ZFPM2: variants seen among roughly 807,000 people sequenced by gnomAD.
ZFPM2 encodes zinc finger protein, FOG family member 2, also known as zinc finger protein ZFPM2.
A neutral mutation model predicts 98.6 loss-of-function variants in ZFPM2; 20 were observed. The ratio of observed to expected loss-of-function variants is 0.20; its 90% CI spans 0.14 to 0.29. The LOEUF (loss-of-function observed/expected upper bound fraction) is 0.29, where lower values mean the gene tolerates loss of function less well. Among genes scored for constraint, ZFPM2 ranks in the 10% least tolerant of loss-of-function variants. The probability of loss-of-function intolerance (pLI) is 1.00; values close to 1 mark genes in which losing one functional copy is unlikely to be tolerated. For synonymous variants in ZFPM2, 518 were observed against 502.7 expected (o/e 1.03, Z -0.41); for missense variants, 1,310 against 1,388.6 (o/e 0.94, Z 0.90).
intron 5 of ZFPM2, among the ~76,000 whole-genome samples, chr8:105,673,187 CTT>C (rs5893754): frequency 1.5e-4 from 13 of 87,516 alleles, no homozygotes; most frequent in East Asian, 3.6e-4. Context: ...AAATAGCATG[CTT>C]TTTTTTTTTT....
In ZFPM2 at chr8:105,419,130, G is replaced by T; in HGVS notation, c.41-14G>T. 4 of 1,608,048 alleles carry T rather than the reference G, an allele frequency of 2.5e-6. No homozygotes were observed. The highest frequency in any genetic ancestry group is 3.4e-6 in the Non-Finnish European group (4 of 1,178,094). ...TGCATATTTTTGGTACAGTTTCCCT[G>T]ATTCTTTTTCAAGGGCCGCTTGAAG... On this transcript the variant is annotated splice_polypyrimidine_tract_variant and intron_variant, in intron 1 of 7. Coordinates refer to ENST00000407775, the MANE Select transcript of ZFPM2 (RefSeq NM_012082.4).
intron 3 of ZFPM2, among the ~76,000 whole-genome samples, chr8:105,550,928 A>T (rs1325665534): frequency 6.6e-6 from 1 of 152,202 alleles, no homozygotes; most frequent in Non-Finnish European, 1.5e-5. Context: ...TGTGTAACTT[A>T]AGAATATATG....
intron 4 of ZFPM2, among the ~76,000 whole-genome samples, chr8:105,588,285 C>T (rs550602426): frequency 1.8e-4 from 27 of 152,042 alleles, no homozygotes; most frequent in African/African-American, 2.7e-4. Flanking sequence ...GTCTCTGATG[C>T]GGTGAAATCC....
At chr8:105,591,718 A>G (rs1302783209) in intron 4 of ZFPM2, among the ~76,000 whole-genome samples, 2 of 151,606 alleles carry the variant, frequency 1.3e-5, no homozygotes, top group African/African-American at 4.8e-5. Context: ...TAAAATACCC[A>G]GTAATATCAT....
At chr8:105,771,893 C>G (rs141780359) in intron 5 of ZFPM2, among the ~76,000 whole-genome samples, 131 of 152,168 alleles carry the variant, frequency 8.6e-4, no homozygotes, top group African/African-American at 2.5e-3. Context: ...TTTTAACTTC[C>G]TTTGTTTTAC....
intron 3 of ZFPM2, among the ~76,000 whole-genome samples, chr8:105,519,353 G>C (rs1312471467): frequency 3.3e-5 from 5 of 151,864 alleles, no homozygotes; most frequent in Non-Finnish European, 7.4e-5. Context: ...GAAAACTAGT[G>C]ATAGTTGAAA....
At position 105,331,841 on chromosome 8, in the gene ZFPM2, C is replaced by G. The variant is rs560684255; in HGVS notation, c.40+12860C>G. On this transcript the variant is annotated intron_variant, in intron 1 of 7. Transcript: ENST00000407775. The stretch of plus-strand genomic sequence containing the variant: ...AAAAGGTAACAATATAAAATAGGAA[C>G]AGTTTCATTTTTATTTGCCAAAATG... 7.2e-5 allele frequency among the ~76,000 whole-genome samples: 11 copies of G among 151,800 alleles called. No individual in the cohort carries two copies. The South Asian group carries it at 2.3e-3, about 31-fold the overall frequency.
chr8:105,688,822 C>A (rs1345970282), intron 5 of ZFPM2, among the ~76,000 whole-genome samples: 1 of 152,062 alleles, frequency 6.6e-6, no homozygotes, highest in Admixed American at 6.6e-5. Context: ...ATGTACTTAG[C>A]AAATATTGTC....
intron 5 of ZFPM2, among the ~76,000 whole-genome samples, chr8:105,776,654 G>A (rs935781778): frequency 4.6e-5 from 7 of 152,110 alleles, no homozygotes; most frequent in Admixed American, 6.5e-5. Context: ...TGTGAGCCTA[G>A]TCAAGACAAA....
intron 3 of ZFPM2, among the ~76,000 whole-genome samples, chr8:105,459,811 T>G (rs760722821): frequency 6.6e-6 from 1 of 152,132 alleles, no homozygotes; most frequent in Non-Finnish European, 1.5e-5. Flanking sequence ...AGAGTCACAT[T>G]GGGTATTAGG....
chr8:105,509,214 G>A (rs938924702), intron 3 of ZFPM2, among the ~76,000 whole-genome samples: 38 of 152,222 alleles, frequency 2.5e-4, no homozygotes, highest in African/African-American at 7.7e-4. Context: ...GAAAACAGTA[G>A]TTTGCATTCT....
intron 1 of ZFPM2, among the ~76,000 whole-genome samples, chr8:105,372,884 G>A (rs187002620): frequency 2.3e-4 from 35 of 152,134 alleles, no homozygotes; most frequent in African/African-American, 8.0e-4. Flanking sequence ...GATAATGATA[G>A]GAATAGAGTG....
chr8:105,714,285 G>T (rs1027489593), intron 5 of ZFPM2, among the ~76,000 whole-genome samples: 189 of 152,090 alleles, frequency 1.2e-3, no homozygotes, highest in African/African-American at 4.2e-3. Flanking sequence ...TTGGCTTACA[G>T]AAATGCTACT....
At chr8:105,686,737 T>A (rs1421745174) in intron 5 of ZFPM2, among the ~76,000 whole-genome samples, 3 of 152,190 alleles carry the variant, frequency 2.0e-5, no homozygotes, top group Non-Finnish European at 4.4e-5. Flanking sequence ...CACACGGTAT[T>A]GACATGAAAA....
chr8:105,356,487 G>A (rs1435432478), intron 1 of ZFPM2, among the ~76,000 whole-genome samples: 1 of 152,070 alleles, frequency 6.6e-6, no homozygotes, highest in Non-Finnish European at 1.5e-5. Context: ...TTTTTATTTT[G>A]TAAGATCAAA....
chr8:105,466,415 T>TA (rs1332845856), intron 3 of ZFPM2, among the ~76,000 whole-genome samples: 4 of 152,060 alleles, frequency 2.6e-5, no homozygotes, highest in African/African-American at 9.7e-5. Flanking sequence ...ACCAGCTAAT[T>TA]ATTAGTCAAT....
intron 5 of ZFPM2, among the ~76,000 whole-genome samples, chr8:105,673,801 A>G (rs1327387965): frequency 6.6e-6 from 1 of 152,190 alleles, no homozygotes; most frequent in Non-Finnish European, 1.5e-5. Context: ...CTCTTAATGA[A>G]ATGTATGACA....
At chr8:105,778,291 T>C (rs1175386905) in intron 5 of ZFPM2, among the ~76,000 whole-genome samples, 1 of 152,128 alleles carries the variant, frequency 6.6e-6, no homozygotes, top group African/African-American at 2.4e-5. Context: ...TTATTTAGCT[T>C]TTAAGGAATT....
At chr8:105,662,728 T>TA (rs1247572604) in intron 5 of ZFPM2, 1 of 151,532 alleles carries the variant, frequency 6.6e-6, no homozygotes, top group African/African-American at 2.4e-5. Flanking sequence ...AGCAACTAGA[T>TA]AAAGGATTAC....
Sources: gnomAD v4.1 joint callset for allele counts (sites outside exome capture counted in the v4.1 genomes callset) on GRCh38, gnomAD v4.1.1 for gene constraint, MANE v1.5 for transcripts, NCBI Gene and HGNC (gene_info 2026-07-23, HGNC 2026-07-21) for gene names.